Variants in APP observed in about 807,000 individuals in gnomAD.
The protein encoded by APP is amyloid-beta precursor protein.
A neutral mutation model predicts 101.4 loss-of-function variants in APP; 31 were observed. That is an observed-to-expected ratio of 0.31 (90% CI 0.23 to 0.41). The LOEUF is 0.41. APP is among the 10% of genes least tolerant of loss of function. The pLI, the probability that APP is intolerant of heterozygous loss-of-function variation, is 1.00. For missense variants in APP, 839 were observed against 1,003.7 expected, an observed-to-expected ratio of 0.84 and a Z score of 2.22; for synonymous variants, 366 against 364.4, an observed-to-expected ratio of 1.00 and a Z score of -0.05.
intron 6 of APP, among the ~76,000 whole-genome samples, chr21:26,011,005 G>A (rs1229641376): frequency 6.6e-6 from 1 of 151,844 alleles, no homozygotes; most frequent in African/African-American, 2.4e-5. Flanking sequence ...CAGCCTGGGC[G>A]ACAGCAAGAC....
intron 3 of APP, among the ~76,000 whole-genome samples, chr21:26,086,988 C>T (rs1379460678): frequency 6.6e-6 from 1 of 152,194 alleles, no homozygotes; most frequent in Non-Finnish European, 1.5e-5. Flanking sequence ...AGACGAAGAA[C>T]TAACACTGCC....
intron 13 of APP, 78 bp from the exon 14 acceptor site, chr21:25,912,040 C>A: frequency 1.7e-6 from 2 of 1,166,674 alleles, no homozygotes; most frequent in Non-Finnish European, 2.6e-6. Context: ...CCATTTACTT[C>A]TGCCAGGCAA....
chr21:25,885,246 G>C (rs750639269), intron 17 of APP, among the ~76,000 whole-genome samples: 1 of 152,216 alleles, frequency 6.6e-6, no homozygotes, highest in Non-Finnish European at 1.5e-5. Context: ...GGAGCACCAA[G>C]TAAGGGTAGC....
intron 13 of APP, among the ~76,000 whole-genome samples, chr21:25,912,814 G>GCTTA (rs1228306094): frequency 6.6e-6 from 1 of 152,176 alleles, no homozygotes; most frequent in East Asian, 1.9e-4. Flanking sequence ...GAAAAAGAGA[G>GCTTA]CTTAGAATAT....
chr21:25,958,501 T>A (rs1394946166), intron 11 of APP, among the ~76,000 whole-genome samples: 1 of 152,078 alleles, frequency 6.6e-6, no homozygotes, highest in Non-Finnish European at 1.5e-5. Context: ...ATGGTCTCCA[T>A]CTCCTGACCT....
At chr21:25,982,499 G>A (rs200090926) in intron 8 of APP, 22 bp from the exon 9 acceptor site, 65 of 1,610,762 alleles carry the variant, frequency 4.0e-5, no homozygotes, top group Middle Eastern at 3.3e-4. Flanking sequence ...AAGAGAAGGA[G>A]GTTTGAGAAA....
intron 8 of APP, among the ~76,000 whole-genome samples, chr21:25,986,797 G>A (rs747748319): frequency 5.9e-5 from 9 of 152,168 alleles, no homozygotes; most frequent in Non-Finnish European, 1.2e-4. Context: ...TTCCATGTTG[G>A]CCAAATGATA....
chr21:25,981,324 TCTC>T (rs989184602), intron 9 of APP, among the ~76,000 whole-genome samples: 126 of 152,322 alleles, frequency 8.3e-4, no homozygotes, highest in African/African-American at 2.8e-3. Context: ...GACAAAAATT[TCTC>T]CTATCTTCTG....
chr21:25,962,169 T>G (rs577683734), intron 11 of APP, among the ~76,000 whole-genome samples: 1 of 152,330 alleles, frequency 6.6e-6, no homozygotes, highest in Non-Finnish European at 1.5e-5. Flanking sequence ...TGTTTGCAAC[T>G]GATGTGACAT....
At chr21:26,000,633 A>C (rs2146680571) in intron 6 of APP, among the ~76,000 whole-genome samples, 1 of 152,354 alleles carries the variant, frequency 6.6e-6, no homozygotes, top group South Asian at 2.1e-4. Flanking sequence ...TGATTGCCTT[A>C]ACTCAAATAT....
chr21:26,148,537 A>G (rs1280317464), intron 1 of APP, among the ~76,000 whole-genome samples: 1 of 152,242 alleles, frequency 6.6e-6, no homozygotes, highest in Non-Finnish European at 1.5e-5. Context: ...AGAATTACAA[A>G]TAAGTTATTC....
chr21:25,990,009 A>C (rs2830002), intron 8 of APP, among the ~76,000 whole-genome samples: 44,311 of 151,972 alleles, frequency 0.29, 7,072 homozygotes, highest in African/African-American at 0.42. Flanking sequence ...ATTTATCCTA[A>C]CCATTAAGTC....
At chr21:26,142,151 G>A (rs1295564442) in intron 1 of APP, among the ~76,000 whole-genome samples, 1 of 152,192 alleles carries the variant, frequency 6.6e-6, no homozygotes, top group African/African-American at 2.4e-5. Context: ...CTGTCTCATG[G>A]CAACATGCGG....
chr21:25,964,135 G>A (rs994505219), intron 11 of APP, among the ~76,000 whole-genome samples: 2 of 152,160 alleles, frequency 1.3e-5, no homozygotes, highest in African/African-American at 4.8e-5. Context: ...TTATCCCAAT[G>A]TTCCTTCCCA....
intron 13 of APP, among the ~76,000 whole-genome samples, chr21:25,937,603 T>C (rs557650527): frequency 1.3e-5 from 2 of 152,310 alleles, no homozygotes; most frequent in African/African-American, 2.4e-5. Context: ...TTAAGCAGAA[T>C]GTCAGTATCA....
intron 13 of APP, among the ~76,000 whole-genome samples, chr21:25,933,062 AAATCAGTAT>A (rs2146401495): frequency 6.6e-6 from 1 of 152,312 alleles, no homozygotes; most frequent in South Asian, 2.1e-4. Flanking sequence ...TGGAAAGATC[AAATCAGTAT>A]AATGGGATAT....
chr21:25,901,865 C>T (rs949036441), intron 15 of APP, among the ~76,000 whole-genome samples: 1 of 152,114 alleles, frequency 6.6e-6, no homozygotes, highest in Non-Finnish European at 1.5e-5. Context: ...TTTATTTGGA[C>T]TGCAGAAGGG....
intron 11 of APP, among the ~76,000 whole-genome samples, chr21:25,956,622 A>G (rs2146496915): frequency 6.6e-6 from 1 of 152,334 alleles, no homozygotes; most frequent in African/African-American, 2.4e-5. Context: ...TGGGAATAGA[A>G]TTTTGGTCAT....
At chr21:26,147,407 C>G (rs1421644890) in intron 1 of APP, among the ~76,000 whole-genome samples, 1 of 152,120 alleles carries the variant, frequency 6.6e-6, no homozygotes, top group Admixed American at 6.5e-5. Flanking sequence ...ACTGCTAAAA[C>G]CGACTGGTGT....
Sources: allele counts gnomAD v4.1 joint callset (sites outside exome capture counted in the v4.1 genomes callset), GRCh38; gene constraint gnomAD v4.1.1; transcripts MANE v1.5; gene names NCBI Gene and HGNC (gene_info 2026-07-23, HGNC 2026-07-21).